The following DSCAM variants were observed in gnomAD, a reference collection of about 807,000 sequenced individuals.
DSCAM encodes the protein cell adhesion molecule DSCAM.
In DSCAM, 47 loss-of-function variants were observed where a neutral mutation model predicts 217.7. The ratio of observed to expected loss-of-function variants is 0.22; its 90% CI spans 0.17 to 0.28. The LOEUF (loss-of-function observed/expected upper bound fraction) is 0.28, where lower values mean the gene tolerates loss of function less well. Among genes scored for constraint, DSCAM ranks in the 10% least tolerant of loss-of-function variants. The pLI is 1.00. For synonymous variants in DSCAM, 1,056 were observed against 1,015.3 expected (o/e 1.04, Z -0.76); for missense variants, 2,080 against 2,618.3 (o/e 0.79, Z 4.49).
chr21:40,414,887 C>T (rs1407311556), intron 3 of DSCAM, among the ~76,000 whole-genome samples: 1 of 152,158 alleles, frequency 6.6e-6, no homozygotes, highest in Non-Finnish European at 1.5e-5. Flanking sequence ...GCTATTTATT[C>T]ATCTCAGCTT....
At chr21:40,354,645 C>T (rs1484033663) in intron 4 of DSCAM, among the ~76,000 whole-genome samples, 1 of 151,898 alleles carries the variant, frequency 6.6e-6, no homozygotes, top group Non-Finnish European at 1.5e-5. Flanking sequence ...GTTAGGAGAT[C>T]GAGACCATCC....
intron 32 of DSCAM, among the ~76,000 whole-genome samples, chr21:40,025,786 C>T (rs1433272277): frequency 5.3e-5 from 8 of 150,706 alleles, no homozygotes; most frequent in Non-Finnish European, 1.5e-5. Context: ...GTCTTGCTAG[C>T]AGTCTATCTA....
At chr21:40,346,075 G>C (rs1291214546) in intron 6 of DSCAM, among the ~76,000 whole-genome samples, 1 of 152,198 alleles carries the variant, frequency 6.6e-6, no homozygotes, top group South Asian at 2.1e-4. Context: ...TTTCTTAGTT[G>C]CACCAAATGG....
At chr21:40,827,508 A>G (rs896337003) in intron 1 of DSCAM, among the ~76,000 whole-genome samples, 4 of 151,968 alleles carry the variant, frequency 2.6e-5, no homozygotes, top group African/African-American at 7.2e-5. Flanking sequence ...AAGAAAATAA[A>G]CAGAAAAAGA....
At position 40,524,553 on chromosome 21, in the gene DSCAM, ACT is replaced by A. The variant is rs375468206; in HGVS notation, c.509-155310_509-155309del. ...TATCATGTATTAACAATCAATACAA[ACT>A]CTTGGTACACATGTCTGCTAAACAT... is the stretch of plus-strand genomic sequence containing the variant. On this transcript the variant is annotated intron_variant, in intron 3 of 32. Transcript: ENST00000400454. 4.5e-4 allele frequency among the ~76,000 whole-genome samples: 69 copies of A among 152,286 alleles called. 1 individual carries two copies. The South Asian group carries it at 0.014, about 31-fold the overall frequency.
intron 11 of DSCAM, among the ~76,000 whole-genome samples, chr21:40,218,423 A>C (rs374327106): frequency 1.5e-4 from 23 of 152,272 alleles, no homozygotes; most frequent in South Asian, 1.0e-3. Context: ...AAGTTGGGTA[A>C]CGCGATGCTT....
At chr21:40,467,930 CAAA>C (rs56379350) in intron 3 of DSCAM, among the ~76,000 whole-genome samples, 1 of 84,424 alleles carries the variant, frequency 1.2e-5, no homozygotes, top group Non-Finnish European at 2.3e-5. Context: ...AAAGATTAAC[CAAA>C]AAAAAAAAAA....
At chr21:40,699,660 A>G (rs1431668709) in intron 2 of DSCAM, among the ~76,000 whole-genome samples, 1 of 152,216 alleles carries the variant, frequency 6.6e-6, no homozygotes, top group Non-Finnish European at 1.5e-5. Context: ...ACTAGCCACA[A>G]CATTGCCTTA....
chr21:40,534,512 G>A (rs1245932144), intron 3 of DSCAM, among the ~76,000 whole-genome samples: 1 of 152,176 alleles, frequency 6.6e-6, no homozygotes, highest in Non-Finnish European at 1.5e-5. Context: ...GGTGATCCAT[G>A]TGTGTACCCC....
chr21:40,251,853 CT>C (rs944240299), intron 11 of DSCAM, among the ~76,000 whole-genome samples: 5 of 152,062 alleles, frequency 3.3e-5, no homozygotes, highest in African/African-American at 4.8e-5. Flanking sequence ...TCTTTTCTTT[CT>C]TTTTTTTAAA....
chr21:40,619,592 G>A (rs1377140447), intron 3 of DSCAM, among the ~76,000 whole-genome samples: 2 of 152,090 alleles, frequency 1.3e-5, no homozygotes, highest in African/African-American at 4.8e-5. Context: ...TTCATTCTTA[G>A]TGAATCCACT....
chr21:40,059,415 C>T (rs1402768687), intron 28 of DSCAM, among the ~76,000 whole-genome samples: 2 of 152,140 alleles, frequency 1.3e-5, no homozygotes, highest in African/African-American at 2.4e-5. Flanking sequence ...GTGAGGGATG[C>T]AGTCTCTCTT....
Position 40,042,482 on chromosome 21 carries a change from T to C in DSCAM, c.5575A>G (p.Thr1859Ala), listed in dbSNP as rs1392868748. Residue 1859 changes from threonine to alanine, a missense_variant, in exon 32 of 33, where the codon ACC becomes GCC. Physicochemically the swap from Thr to Ala is moderately conservative, Grantham distance 58 (BLOSUM62 0). Coordinates refer to ENST00000400454, the MANE Select transcript of DSCAM (RefSeq NM_001389.5). The stretch of plus-strand genomic sequence containing the variant: ...CCCGATTCGGAAGGGGTGCTGGAGG[T>C]CAGACTGTCCGTGTACTCATTTGTC... ...AGTNEYTDSL[T>A]SSTPSESGIC... 1 of 1,613,900 alleles carries C rather than the reference T, an allele frequency of 6.2e-7. No homozygotes were observed. The highest frequency in any genetic ancestry group is 8.5e-7 in the Non-Finnish European group (1 of 1,179,980).
chr21:40,173,854 T>C (rs1471185052), intron 15 of DSCAM, among the ~76,000 whole-genome samples: 1 of 152,198 alleles, frequency 6.6e-6, no homozygotes, highest in Non-Finnish European at 1.5e-5. Flanking sequence ...CCTTCTATTC[T>C]CTGATGGTCT....
intron 3 of DSCAM, among the ~76,000 whole-genome samples, chr21:40,612,755 G>A (rs144288886): frequency 6.6e-6 from 1 of 152,294 alleles, no homozygotes; most frequent in African/African-American, 2.4e-5. Flanking sequence ...AAGGGAAGAA[G>A]GACATGTGTG....
At chr21:40,673,987 TA>T (rs1406137493) in intron 3 of DSCAM, among the ~76,000 whole-genome samples, 1 of 152,174 alleles carries the variant, frequency 6.6e-6, no homozygotes, top group Non-Finnish European at 1.5e-5. Context: ...AAAATAAAAA[TA>T]AAAATAAACT....
intron 1 of DSCAM, among the ~76,000 whole-genome samples, chr21:40,736,165 C>A (rs538341262): frequency 4.7e-4 from 72 of 152,208 alleles, no homozygotes; most frequent in Admixed American, 1.1e-3. Context: ...ATGCATAGGG[C>A]AAGGTATGGG....
intron 16 of DSCAM, among the ~76,000 whole-genome samples, chr21:40,161,453 A>G (rs910297967): frequency 1.1e-4 from 17 of 152,208 alleles, no homozygotes; most frequent in African/African-American, 4.1e-4. Context: ...TGAACCTTTT[A>G]TGATAAAAGT....
intron 1 of DSCAM, among the ~76,000 whole-genome samples, chr21:40,727,237 AT>A (rs1044071344): frequency 6.6e-6 from 1 of 152,172 alleles, no homozygotes; most frequent in Non-Finnish European, 1.5e-5. Context: ...ACTTTAAAAA[AT>A]CTGTTGATTG....
Sources: allele counts gnomAD v4.1 joint callset (sites outside exome capture counted in the v4.1 genomes callset), GRCh38; gene constraint gnomAD v4.1.1; transcripts MANE v1.5; gene names NCBI Gene and HGNC (gene_info 2026-07-23, HGNC 2026-07-21).